CPEB3: variants seen among roughly 807,000 people sequenced by gnomAD.
CPEB3 encodes cytoplasmic polyadenylation element binding protein 3.
A neutral mutation model predicts 67.2 loss-of-function variants in CPEB3; 20 were observed. The observed-to-expected ratio is 0.30, with a 90% CI of 0.21 to 0.43. The LOEUF is 0.43. CPEB3 is among the 20% of genes least tolerant of loss of function. The pLI is 1.00. For missense variants in CPEB3, 746 were observed against 968.6 expected (o/e 0.77, Z 3.05); for synonymous variants, 376 against 393.1 (o/e 0.96, Z 0.51).
chr10:92,232,077 A>T (rs1288202745), intron 2 of CPEB3, among the ~76,000 whole-genome samples: 1 of 133,366 alleles, frequency 7.5e-6, no homozygotes, highest in Admixed American at 7.8e-5. Context: ...TTTGAGAGGG[A>T]GTTTCACTCT....
intron 2 of CPEB3, among the ~76,000 whole-genome samples, chr10:92,209,290 C>T (rs1017248233): frequency 1.3e-5 from 2 of 152,196 alleles, no homozygotes; most frequent in African/African-American, 2.4e-5. Context: ...TCTGGGAGGC[C>T]GATGCAGGCA....
chr10:92,288,766 A>T (rs1324920374), intron 1 of CPEB3, among the ~76,000 whole-genome samples: 2 of 152,232 alleles, frequency 1.3e-5, no homozygotes, highest in Non-Finnish European at 2.9e-5. Context: ...AGACATTCTA[A>T]CATTGGTTAA....
intron 3 of CPEB3, 45 bp from the exon 4 acceptor site, chr10:92,181,064 T>A: frequency 1.9e-6 from 2 of 1,028,612 alleles, no homozygotes; most frequent in South Asian, 1.3e-5. Context: ...TTTAATGTAA[T>A]CATTTCAAAC....
chr10:92,275,906 T>G (rs1365114487), intron 1 of CPEB3, among the ~76,000 whole-genome samples: 1 of 148,656 alleles, frequency 6.7e-6, no homozygotes, highest in Non-Finnish European at 1.5e-5. Context: ...TGGGGTGCAG[T>G]GTCGCGATCT....
intron 6 of CPEB3, among the ~76,000 whole-genome samples, chr10:92,112,193 C>T (rs945506125): frequency 2.8e-5 from 4 of 144,984 alleles, no homozygotes; most frequent in African/African-American, 1.0e-4. Context: ...TGCAGTGGCA[C>T]AATCTCTGTG....
intron 2 of CPEB3, among the ~76,000 whole-genome samples, chr10:92,218,361 C>T (rs760871260): frequency 1.3e-5 from 2 of 152,096 alleles, no homozygotes; most frequent in African/African-American, 2.4e-5. Flanking sequence ...GAGCTGAGAT[C>T]GCGCCACTGC....
At chr10:92,120,708 C>CT (rs916860979) in intron 6 of CPEB3, among the ~76,000 whole-genome samples, 53 of 149,542 alleles carry the variant, frequency 3.5e-4, no homozygotes, top group Admixed American at 1.6e-3. Context: ...GTCTACAATT[C>CT]TTTTTTTTTT....
At chr10:92,279,829 G>C (rs932645061) in intron 1 of CPEB3, among the ~76,000 whole-genome samples, 6 of 152,046 alleles carry the variant, frequency 3.9e-5, no homozygotes, top group African/African-American at 1.4e-4. Flanking sequence ...GGACAACATG[G>C]CGAAACCCCG....
At chr10:92,138,258 G>A (rs1051895525) in intron 6 of CPEB3, 1 of 222,248 alleles carries the variant, frequency 4.5e-6, no homozygotes, top group Non-Finnish European at 9.5e-6. Context: ...TTGGCCATAA[G>A]GGTGTGGCTA....
At chr10:92,098,822 A>C (rs1590132403) in intron 7 of CPEB3, among the ~76,000 whole-genome samples, 1 of 128,552 alleles carries the variant, frequency 7.8e-6, no homozygotes. Context: ...AGCAGGCTGG[A>C]GTGCAGTGGT....
At chr10:92,172,195 G>T (rs973652359) in intron 4 of CPEB3, among the ~76,000 whole-genome samples, 2 of 152,092 alleles carry the variant, frequency 1.3e-5, no homozygotes, top group African/African-American at 4.8e-5. Context: ...AAGGTCACAT[G>T]GCAAATAAGT....
chr10:92,144,803 C>A (rs925998899), intron 5 of CPEB3, 142 bp downstream of exon 5: 18 of 671,608 alleles, frequency 2.7e-5, no homozygotes, highest in Non-Finnish European at 4.4e-5. Flanking sequence ...AATAGACTAC[C>A]ACTTTCTAAT....
At chr10:92,094,103 C>T (rs1330286994) in intron 7 of CPEB3, among the ~76,000 whole-genome samples, 1 of 152,084 alleles carries the variant, frequency 6.6e-6, no homozygotes, top group Non-Finnish European at 1.5e-5. Flanking sequence ...GATCCGCCCA[C>T]CTCGGCCTCC....
At chr10:92,134,772 G>A (rs948693840) in intron 6 of CPEB3, among the ~76,000 whole-genome samples, 1 of 151,834 alleles carries the variant, frequency 6.6e-6, no homozygotes, top group Non-Finnish European at 1.5e-5. Flanking sequence ...TATACTACAA[G>A]GCTACAGTAA....
rs1843090028 is a variant in CPEB3, at chr10:92,080,190, G to A, written c.1869+1130C>T. Among the ~76,000 whole-genome samples the A allele has an allele frequency of 4.8e-5, 7 of 146,830 alleles. No individual in the cohort carries two copies. The South Asian group carries it at 1.5e-3, about 32-fold the overall frequency. On this transcript the variant is annotated intron_variant, in intron 9 of 9. Coordinates refer to ENST00000265997, the MANE Select transcript of CPEB3 (RefSeq NM_014912.5). ...CCACTGCACTCCAGCCTGGGTGACT[G>A]AGCAAGACTCCGTCTCAAAAAAAAA...
intron 1 of CPEB3, chr10:92,243,399 A>AG (rs1167488566): frequency 6.6e-6 from 1 of 152,182 alleles, no homozygotes; most frequent in African/African-American, 2.4e-5. Context: ...ACAGATTCTG[A>AG]GGGGAAAAGG....
intron 2 of CPEB3, among the ~76,000 whole-genome samples, chr10:92,196,877 A>G (rs1849265362): frequency 6.6e-6 from 1 of 151,750 alleles, no homozygotes; most frequent in Non-Finnish European, 1.5e-5. Context: ...GGTTGCAGTG[A>G]GCCTAGATCA....
intron 2 of CPEB3, among the ~76,000 whole-genome samples, chr10:92,234,350 G>A (rs1039834900): frequency 1.3e-5 from 2 of 152,012 alleles, no homozygotes; most frequent in African/African-American, 2.4e-5. Context: ...AATTATAACC[G>A]ATGAATCTTC....
At chr10:92,290,743 C>A (rs1842827635) in intron 1 of CPEB3, among the ~76,000 whole-genome samples, 183 bp downstream of exon 1, 1 of 152,156 alleles carries the variant, frequency 6.6e-6, no homozygotes, top group Non-Finnish European at 1.5e-5. Flanking sequence ...GAGGCTGGCT[C>A]CAGCGCCGGG....
Sources: gnomAD v4.1 joint callset for allele counts (sites outside exome capture counted in the v4.1 genomes callset) on GRCh38, gnomAD v4.1.1 for gene constraint, MANE v1.5 for transcripts, NCBI Gene and HGNC (gene_info 2026-07-23, HGNC 2026-07-21) for gene names.